Variants in ADGB observed in about 807,000 individuals in gnomAD.
ADGB encodes calpain-7-like protein.
ADGB carries 172 observed loss-of-function variants against 210.5 expected under a neutral mutation model. The observed-to-expected ratio is 0.82, with a 90% confidence interval of 0.72 to 0.93. ADGB has a LOEUF of 0.93. Ranked by LOEUF, ADGB falls within the 40% of genes least tolerant of loss-of-function variation. ADGB has a pLI of 0.00. For synonymous variants in ADGB, 658 were observed against 662.7 expected (o/e 0.99, Z 0.11); for missense variants, 2,025 against 1,964.8 (o/e 1.03, Z -0.58).
intron 27 of ADGB, among the ~76,000 whole-genome samples, chr6:146,758,525 T>C (rs1184594792): frequency 6.6e-6 from 1 of 152,024 alleles, no homozygotes; most frequent in African/African-American, 2.4e-5. Context: ...TATACATAAG[T>C]ATTTAAAACC....
chr6:146,657,879 C>G (rs180921203), intron 5 of ADGB, among the ~76,000 whole-genome samples: 1 of 152,150 alleles, frequency 6.6e-6, no homozygotes, highest in Non-Finnish European at 1.5e-5. Flanking sequence ...GAAGTACAAA[C>G]AGAGGATCCA....
At chr6:146,691,350 T>C in intron 11 of ADGB, 60 bp downstream of exon 11, 1 of 1,353,366 alleles carries the variant, frequency 7.4e-7, no homozygotes, top group Non-Finnish European at 9.6e-7. Flanking sequence ...AACAGTTTCA[T>C]CTGCGGTGAA....
Position 146,700,922 on chromosome 6 carries a change from G to T in ADGB, c.1578-19G>T. The T allele has an allele frequency of 1.2e-5, 18 of 1,538,424 alleles. No individual in the cohort carries two copies. Among genetic ancestry groups the T allele is most frequent in the Non-Finnish European group, 1.6e-5 (18 of 1,142,596 alleles). ...GAAGATCAAAATAACAGAAGTTTGG[G>T]GTTTTGTTTTCCTTTTAGGCATTTT... is the stretch of plus-strand genomic sequence containing the variant. On this transcript the variant is annotated intron_variant, in intron 12 of 35. Transcript: ENST00000397944.
chr6:146,752,592 A>G lies in ADGB; in HGVS notation c.3428A>G (p.Asp1143Gly), dbSNP rs374605468. The change falls in exon 27 of 36, where the codon GAT becomes GGT. Residue 1143 changes from aspartate (D) to glycine (G), a missense_variant. Physicochemically the swap from Asp to Gly is moderately conservative, Grantham distance 94. Coordinates refer to ENST00000397944, the MANE Select transcript of ADGB (RefSeq NM_024694.4). ...ATIQVRTSKP[D>G]AFIKLQVLEN... ...ATACAGGTACGCACATCCAAACCAG[A>G]TGCATTCATCAAGCTGCAGGTCCTA... 2 of 1,550,906 alleles carry G rather than the reference A, an allele frequency of 1.3e-6. No individual in the cohort carries two copies. Among genetic ancestry groups the G allele is most frequent in the Non-Finnish European group, 1.7e-6 (2 of 1,146,438 alleles).
intron 1 of ADGB, among the ~76,000 whole-genome samples, chr6:146,625,231 G>A (rs997182879): frequency 6.6e-6 from 1 of 152,006 alleles, no homozygotes; most frequent in Admixed American, 6.6e-5. Flanking sequence ...GTTGCTTCAT[G>A]TGTTAAGAAG....
Position 146,691,149 on chromosome 6 carries a change from CT to C in ADGB, c.1348del (p.Ser450ProfsTer10). The C allele has an allele frequency of 9.1e-6, 14 of 1,544,822 alleles. No homozygotes were observed. The highest frequency in any genetic ancestry group is 1.2e-5 in the Non-Finnish European group (14 of 1,144,420). ...DSAEKLREYG[L>X]SHICSHPVLV... ...TGCTGAGAAACTTAGAGAATATGGG[CT>C]TTCCCACATCTGTAGCCATCCTGTG... is the stretch of plus-strand genomic sequence containing the variant. On this transcript the variant is annotated frameshift_variant, in exon 11 of 36. Transcript: ENST00000397944. LOFTEE classifies it high-confidence loss of function.
intron 1 of ADGB, among the ~76,000 whole-genome samples, chr6:146,607,454 G>A (rs58876088): frequency 6.6e-6 from 1 of 152,082 alleles, no homozygotes; most frequent in South Asian, 2.1e-4. Context: ...GTGAGAGTAG[G>A]CATCCTTTTC....
intron 13 of ADGB, among the ~76,000 whole-genome samples, chr6:146,709,768 A>G (rs1047595375): frequency 2.6e-5 from 4 of 152,122 alleles, no homozygotes; most frequent in Non-Finnish European, 4.4e-5. Context: ...CCTTCTCCCA[A>G]GTAGAGGGTA....
intron 8 of ADGB, among the ~76,000 whole-genome samples, chr6:146,675,525 A>G (rs980031789): frequency 6.6e-5 from 10 of 152,052 alleles, no homozygotes; most frequent in Admixed American, 2.0e-4. Context: ...GGATGTTCAG[A>G]AACATTATAA....
chr6:146,656,864 C>A lies in ADGB; in HGVS notation c.496C>A (p.Pro166Thr). ...TTATTTTAAGGGGACTTCAGGGGAA[C>A]CTCCTCTTCTCCCCTGGAAGCCCTG... ...SNYFKGTSGE[P>T]PLLPWKPWEH... The change falls in exon 5 of 36, where the codon CCT becomes ACT. Residue 166 changes from proline (P) to threonine (T), a missense_variant. Physicochemically the swap from Pro to Thr is conservative, Grantham distance 38. Transcript: ENST00000397944. 1 of 1,551,122 alleles carries A rather than the reference C, an allele frequency of 6.4e-7. No homozygotes were observed. Among genetic ancestry groups the A allele is most frequent in the Non-Finnish European group, 8.7e-7 (1 of 1,146,344 alleles).
chr6:146,672,388 A>G lies in ADGB; in HGVS notation c.1008A>G (p.Val336=), dbSNP rs1178512347. ...EGKEIKDGKE[V]KDVKEFKPES... ...AAGAAATAAAGGATGGAAAGGAAGT[A>G]AAAGACGTGAAGGAATTCAAACCTG... Residue 336 remains valine, a synonymous_variant, in exon 8 of 36, where the codon GTA becomes GTG. Transcript: ENST00000397944. The G allele has an allele frequency of 6.4e-7, 1 of 1,551,440 alleles. No homozygotes were observed. The highest frequency in any genetic ancestry group is 8.7e-7 in the Non-Finnish European group (1 of 1,146,838).
intron 1 of ADGB, among the ~76,000 whole-genome samples, chr6:146,631,532 G>A (rs1383537571): frequency 6.6e-6 from 1 of 152,146 alleles, no homozygotes; most frequent in Non-Finnish European, 1.5e-5. Context: ...AAATTTGACA[G>A]AGTTTCAATT....
intron 1 of ADGB, among the ~76,000 whole-genome samples, chr6:146,619,118 TATAG>T (rs1374396297): frequency 1.4e-4 from 22 of 152,152 alleles, no homozygotes; most frequent in Admixed American, 3.3e-4. Context: ...ACCATATATA[TATAG>T]ATAGATAGAT....
intron 35 of ADGB, 109 bp downstream of exon 35, chr6:146,802,120 A>C: frequency 1.3e-6 from 1 of 765,060 alleles, no homozygotes; most frequent in East Asian, 3.6e-5. Flanking sequence ...TCTTGAAAAC[A>C]TAGGTTTCTA....
At chr6:146,653,988 T>G in intron 3 of ADGB, 147 bp from the exon 4 acceptor site, 2 of 404,248 alleles carry the variant, frequency 4.9e-6, no homozygotes, top group South Asian at 3.9e-5. Context: ...GTTATTTATA[T>G]CCTACTGCTC....
At chr6:146,649,160 G>GTT (rs567600494) in intron 3 of ADGB, among the ~76,000 whole-genome samples, 13 of 126,016 alleles carry the variant, frequency 1.0e-4, no homozygotes, top group Admixed American at 2.4e-4. Context: ...TTAAAGTTTT[G>GTT]TTTTTTTTTT....
intron 1 of ADGB, among the ~76,000 whole-genome samples, chr6:146,625,728 C>T (rs1780962117): frequency 6.6e-6 from 1 of 152,060 alleles, no homozygotes; most frequent in African/African-American, 2.4e-5. Context: ...CAAACAGATG[C>T]CAGCACCATG....
chr6:146,658,753 T>G (rs1000754588), intron 5 of ADGB, among the ~76,000 whole-genome samples: 1 of 152,182 alleles, frequency 6.6e-6, no homozygotes, highest in Non-Finnish European at 1.5e-5. Flanking sequence ...TGAGCCCACT[T>G]TGGAAATCTC....
intron 5 of ADGB, among the ~76,000 whole-genome samples, chr6:146,661,217 T>C (rs1775850722): frequency 8.8e-6 from 1 of 113,404 alleles, no homozygotes; most frequent in Non-Finnish European, 1.7e-5. Context: ...TTTTTCTTTT[T>C]TTCTTTTTTT....
Sources: gnomAD v4.1 joint callset for allele counts (sites outside exome capture counted in the v4.1 genomes callset) on GRCh38, gnomAD v4.1.1 for gene constraint, MANE v1.5 for transcripts, NCBI Gene and HGNC (gene_info 2026-07-23, HGNC 2026-07-21) for gene names.